Variants in ASH1L observed in about 807,000 individuals in gnomAD.
The protein encoded by ASH1L is histone-lysine N-methyltransferase ASH1L.
Under a neutral mutation model 269.0 loss-of-function variants are expected in ASH1L, and 23 were observed. The observed-to-expected ratio is 0.09, with a 90% CI of 0.06 to 0.12. The LOEUF (loss-of-function observed/expected upper bound fraction) is 0.12, where lower values mean the gene tolerates loss of function less well. Ranked by LOEUF, ASH1L falls within the 10% of genes least tolerant of loss-of-function variation. The pLI, the probability that ASH1L is intolerant of heterozygous loss-of-function variation, is 1.00. For synonymous variants in ASH1L, 1,187 were observed against 1,253.5 expected, an observed-to-expected ratio of 0.95 and a Z score of 1.12; for missense variants, 2,912 against 3,567.8, an observed-to-expected ratio of 0.82 and a Z score of 4.68.
rs111948776 is a variant in ASH1L, at chr1:155,380,693, C to A, written c.6104-577G>T. Among the ~76,000 whole-genome samples the A allele has an allele frequency of 9.1e-4, 138 of 151,538 alleles. 1 individual carries two copies. In the East Asian group the frequency reaches 0.019, roughly 21 times the overall value. On this transcript the variant is annotated intron_variant, in intron 7 of 27. Coordinates refer to ENST00000392403, the MANE Select transcript of ASH1L (RefSeq NM_018489.3). ...CTGCCCAGGCTAGAGTGCAATGGTG[C>A]GATCTCGGCTCACTGTAACCTCCGC...
chr1:155,481,161 C>T lies in ASH1L; in HGVS notation c.1709G>A (p.Ser570Asn). ...PTVSVNPLTR[S>N]PPETSSQLAP... ...CAACTGTGAAGAAGTTTCAGGGGGA[C>T]TTCTGGTTAAAGGATTAACAGATAC... Residue 570 changes from serine to asparagine, a missense_variant, in exon 3 of 28, where the codon AGT becomes AAT. Physicochemically the swap from Ser to Asn is conservative, Grantham distance 46. Around this residue, in one of 13 missense-constraint regions of ASH1L, gnomAD observed 715 missense variants for 721.0 expected, o/e 0.99. Coordinates refer to ENST00000392403, the MANE Select transcript of ASH1L (RefSeq NM_018489.3). 1.2e-6 allele frequency: 2 copies of T among 1,614,032 alleles called. No homozygotes were observed. The highest frequency in any genetic ancestry group is 1.7e-6 in the Non-Finnish European group (2 of 1,179,984).
At chr1:155,514,250 A>G (rs1668357248) in intron 2 of ASH1L, among the ~76,000 whole-genome samples, 1 of 152,268 alleles carries the variant, frequency 6.6e-6, no homozygotes, top group Non-Finnish European at 1.5e-5. Context: ...CTAATGCCAC[A>G]AAATTATACA....
At chr1:155,431,242 T>C (rs1275030193) in intron 5 of ASH1L, among the ~76,000 whole-genome samples, 1 of 150,722 alleles carries the variant, frequency 6.6e-6, no homozygotes, top group African/African-American at 2.4e-5. Flanking sequence ...AATATTTACA[T>C]ATAATATACA....
chr1:155,388,955 C>T (rs1397566457), intron 7 of ASH1L, among the ~76,000 whole-genome samples: 2 of 150,242 alleles, frequency 1.3e-5, no homozygotes, highest in Non-Finnish European at 3.0e-5. Context: ...GCGATCTTCT[C>T]TCCTCGGCCT....
At chr1:155,461,892 G>A (rs1374511407) in intron 3 of ASH1L, among the ~76,000 whole-genome samples, 3 of 147,576 alleles carry the variant, frequency 2.0e-5, no homozygotes, top group East Asian at 2.2e-4. Flanking sequence ...TCTGCCTCCC[G>A]GGTTCAAGTG....
chr1:155,477,973 G>C lies in ASH1L; in HGVS notation c.4897C>G (p.Leu1633Val), dbSNP rs1182930683. 15 of 1,614,118 alleles carry C rather than the reference G, an allele frequency of 9.3e-6. No homozygotes were observed. The highest frequency in any genetic ancestry group is 1.3e-5 in the Non-Finnish European group (15 of 1,180,050). ...GRKKLTDSPGLFSAQDTSLNR... is the reference protein window; with the variant it reads ...GRKKLTDSPGVFSAQDTSLNR... ...AGTGAAGTGTCCTGTGCAGAAAAGAGTCCAGGGCTGTCAGTTAATTTCTTC... is the reference window on the plus strand; with the variant it reads ...AGTGAAGTGTCCTGTGCAGAAAAGACTCCAGGGCTGTCAGTTAATTTCTTC... Residue 1633 changes from leucine to valine, a missense_variant, in exon 3 of 28, where the codon CTC (leucine) becomes GTC (valine). Around this residue, in one of 13 missense-constraint regions of ASH1L, gnomAD observed 789 missense variants for 897.6 expected, o/e 0.88. Transcript: ENST00000392403.
chr1:155,442,725 T>C (rs1662700278), intron 4 of ASH1L, among the ~76,000 whole-genome samples: 1 of 151,922 alleles, frequency 6.6e-6, no homozygotes, highest in South Asian at 2.1e-4. Context: ...AGCATCAATC[T>C]CATATTATCT....
intron 2 of ASH1L, among the ~76,000 whole-genome samples, chr1:155,490,349 T>C (rs773760244): frequency 6.6e-6 from 1 of 151,600 alleles, no homozygotes; most frequent in African/African-American, 2.4e-5. Context: ...TGGTGGCTCA[T>C]GCCTGTAATC....
At chr1:155,396,961 C>CA (rs764215662) in intron 6 of ASH1L, 1,195 of 73,438 alleles carry the variant, frequency 0.016, 8 homozygotes, top group East Asian at 0.071. Flanking sequence ...GACACCATCT[C>CA]AAAAAAAAAA....
At chr1:155,453,518 G>A (rs566915013) in intron 4 of ASH1L, among the ~76,000 whole-genome samples, 1 of 152,344 alleles carries the variant, frequency 6.6e-6, no homozygotes, top group East Asian at 1.9e-4. Flanking sequence ...TACCATTTAT[G>A]GCTGGGTGCA....
In ASH1L at chr1:155,562,601, C is replaced by T. The variant is rs1384171721; in HGVS notation, c.-548G>A. On this transcript the variant is annotated 5_prime_UTR_variant, in exon 1 of 28. Coordinates refer to ENST00000392403, the MANE Select transcript of ASH1L (RefSeq NM_018489.3). ...TCCGTCCGCGTAGCGCGCACGCCCGCCCGCACGCGTACGAGTGTCTACGGG... is the reference window on the plus strand; with the variant it reads ...TCCGTCCGCGTAGCGCGCACGCCCGTCCGCACGCGTACGAGTGTCTACGGG... The T allele has an allele frequency of 2.6e-6, 4 of 1,528,402 alleles. No individual in the cohort carries two copies. Among genetic ancestry groups the T allele is most frequent in the South Asian group, 2.4e-5 (2 of 83,808 alleles). 94.7% of individuals were successfully genotyped at this position (1,528,402 alleles called of 1,614,324 possible).
At chr1:155,541,456 AACT>A (rs767015073) in intron 1 of ASH1L, among the ~76,000 whole-genome samples, 1 of 152,104 alleles carries the variant, frequency 6.6e-6, no homozygotes, top group South Asian at 2.1e-4. Flanking sequence ...TTTTACATGA[AACT>A]ACTAAGTCAC....
chr1:155,361,970 C>CT (rs1553246031), intron 12 of ASH1L, among the ~76,000 whole-genome samples: 1 of 151,602 alleles, frequency 6.6e-6, no homozygotes, highest in Non-Finnish European at 1.5e-5. Flanking sequence ...CTACCAATCT[C>CT]TATCACATGA....
At chr1:155,356,846 T>C (rs57134822) in intron 15 of ASH1L, among the ~76,000 whole-genome samples, 7,715 of 151,004 alleles carry the variant, frequency 0.051, 657 homozygotes, top group African/African-American at 0.18. Flanking sequence ...CCCAATGCCT[T>C]GGGAGATCGG....
chr1:155,473,180 C>G (rs781532480), intron 3 of ASH1L, among the ~76,000 whole-genome samples: 9 of 152,172 alleles, frequency 5.9e-5, no homozygotes, highest in Non-Finnish European at 1.3e-4. Context: ...CCAACACAAA[C>G]TAAATGAAGA....
chr1:155,404,989 CTGCA>C (rs1659150034), intron 6 of ASH1L, among the ~76,000 whole-genome samples: 1 of 151,766 alleles, frequency 6.6e-6, no homozygotes, highest in Non-Finnish European at 1.5e-5. Context: ...GACCGCACCA[CTGCA>C]CGCCAGCCTG....
intron 26 of ASH1L, 51 bp downstream of exon 26, chr1:155,339,277 C>T (rs760045005): frequency 6.4e-7 from 1 of 1,551,770 alleles, no homozygotes; most frequent in South Asian, 1.1e-5. Context: ...TTGATCCATT[C>T]AAGCTCTTAG....
rs1406336252 is a variant in ASH1L, at chr1:155,542,707, T to G, written c.-100+19446A>C. Among the ~76,000 whole-genome samples, 20 of 143,218 alleles carry G rather than the reference T, an allele frequency of 1.4e-4. 1 individual carries two copies. In the East Asian group the frequency reaches 3.5e-3, roughly 25 times the overall value. The allele number at this position is 143,218 out of a possible 152,430, so 94.0% of individuals were successfully genotyped here. A position where few individuals can be genotyped will look rare whatever the true frequency, so the allele number is the denominator to read the frequency against. ...TTTTTTTTTTTTTTTTGAGAAGGAG[T>G]CTCATTCTGTCACCCAGGCTGGAGT... On this transcript the variant is annotated intron_variant, in intron 1 of 27. Transcript: ENST00000392403.
chr1:155,438,548 A>G lies in ASH1L; in HGVS notation c.5607T>C (p.Ala1869=). The change falls in exon 5 of 28, where the codon GCT becomes GCC. Residue 1869 remains alanine (A), a synonymous_variant. Coordinates refer to ENST00000392403, the MANE Select transcript of ASH1L (RefSeq NM_018489.3). ...QAVVSMQAFQ[A]AQFVNPELNR... is the part of the protein sequence containing the mutation. Reference sequence around the variant, plus strand: ...TCAATTCTGGGTTGACAAACTGAGCAGCCTGGAATGCTTGCATTGATACGA... The same window carrying G: ...TCAATTCTGGGTTGACAAACTGAGCGGCCTGGAATGCTTGCATTGATACGA... The G allele has an allele frequency of 6.2e-7, 1 of 1,613,610 alleles. No individual in the cohort carries two copies. Among genetic ancestry groups the G allele is most frequent in the Non-Finnish European group, 8.5e-7 (1 of 1,179,814 alleles).
Sources: gnomAD v4.1 joint callset for allele counts (sites outside exome capture counted in the v4.1 genomes callset) on GRCh38, gnomAD v4.1.1 for gene constraint, gnomAD v4.1.1 regional missense constraint, MANE v1.5 for transcripts, NCBI Gene and HGNC (gene_info 2026-07-23, HGNC 2026-07-21) for gene names.